EWSR1: variants seen among roughly 807,000 people sequenced by gnomAD.
EWSR1 encodes RNA-binding protein EWS.
Under a neutral mutation model 92.1 loss-of-function variants are expected in EWSR1, and 14 were observed. The observed-to-expected ratio is 0.15, with a 90% CI of 0.10 to 0.24. EWSR1 has a LOEUF of 0.24. EWSR1 is among the 10% of genes least tolerant of loss of function. The probability of loss-of-function intolerance (pLI) is 1.00; values close to 1 mark genes in which losing one functional copy is unlikely to be tolerated. For synonymous variants in EWSR1, 303 were observed against 292.9 expected (o/e 1.03, Z -0.35); for missense variants, 637 against 870.9 (o/e 0.73, Z 3.38).
chr22:29,283,194 T>G (rs1310987329), intron 6 of EWSR1, among the ~76,000 whole-genome samples: 3 of 152,230 alleles, frequency 2.0e-5, no homozygotes, highest in Admixed American at 6.5e-5. Flanking sequence ...TAAATAGATG[T>G]AAGAGCCATC....
chr22:29,273,249 T>C (rs1056943488), intron 3 of EWSR1, among the ~76,000 whole-genome samples: 1 of 152,234 alleles, frequency 6.6e-6, no homozygotes, highest in Admixed American at 6.5e-5. Flanking sequence ...TTAAAGTCTT[T>C]TTGTCAGGCT....
Position 29,297,953 on chromosome 22 carries a change from C to T in EWSR1, c.1417+4C>T. On this transcript the variant is annotated splice_donor_region_variant and intron_variant, in intron 13 of 16. Coordinates refer to ENST00000397938, the MANE Select transcript of EWSR1 (RefSeq NM_005243.4). ...ATGCCACCACCACTCCGTGGAGGTA[C>T]TTTTTCTGAGCTCCTATGTTGCATT... 1 of 1,610,872 alleles carries T rather than the reference C, an allele frequency of 6.2e-7. No homozygotes were observed. Among genetic ancestry groups the T allele is most frequent in the Non-Finnish European group, 8.5e-7 (1 of 1,178,712 alleles).
In EWSR1 at chr22:29,300,234, A is replaced by C. The variant is rs939012433; in HGVS notation, c.*73A>C. 2.1e-6 allele frequency: 3 copies of C among 1,397,082 alleles called. No individual in the cohort carries two copies. The highest frequency in any genetic ancestry group is 3.0e-6 in the Non-Finnish European group (3 of 991,802). The allele number at this position is 1,397,082 out of a possible 1,614,324, so 86.5% of individuals were successfully genotyped here. A position where few individuals can be genotyped will look rare whatever the true frequency, so the allele number is the denominator to read the frequency against. ...AACCAGAAAATGTTTTAAATTTATA[A>C]TTCCATATTTATAATGTTGGCCACA... On this transcript the variant is annotated 3_prime_UTR_variant, in exon 17 of 17. Transcript: ENST00000397938.
intron 3 of EWSR1, 93 bp from the exon 4 acceptor site, chr22:29,273,647 GT>G: frequency 1.4e-6 from 2 of 1,399,230 alleles, no homozygotes; most frequent in Non-Finnish European, 2.0e-6. Context: ...AGAAAGGAAT[GT>G]TTTTGATTTT....
Position 29,300,161 on chromosome 22 carries a change from GA to G in EWSR1, c.*1del, listed in dbSNP as rs1569129656. Reference sequence around the variant, plus strand: ...AGGAGCGCAGAGATCGGCCCTACTAGATGCAGAGACCCCGCAGAGCTGCATT... The same window carrying G: ...AGGAGCGCAGAGATCGGCCCTACTAGTGCAGAGACCCCGCAGAGCTGCATT... On this transcript the variant is annotated 3_prime_UTR_variant, in exon 17 of 17. Transcript: ENST00000397938. 6.2e-7 allele frequency: 1 copy of G among 1,606,980 alleles called. No homozygotes were observed. The highest frequency in any genetic ancestry group is 8.5e-7 in the Non-Finnish European group (1 of 1,178,766).
At chr22:29,282,998 G>C (rs542814370) in intron 6 of EWSR1, among the ~76,000 whole-genome samples, 1 of 152,076 alleles carries the variant, frequency 6.6e-6, no homozygotes, top group Non-Finnish European at 1.5e-5. Flanking sequence ...TCCTGACCTC[G>C]TGATCCACCC....
In EWSR1 at chr22:29,287,029, A is replaced by G. The variant is rs373486719; in HGVS notation, c.688A>G (p.Ser230Gly). The change falls in exon 7 of 17, where the codon AGC becomes GGC. Residue 230 changes from serine (S) to glycine (G), a missense_variant. Physicochemically the swap from Ser to Gly is moderately conservative, Grantham distance 56 (BLOSUM62 0). This residue lies in a region of EWSR1 where 116 missense variants were observed against 167.8 expected (regional missense o/e 0.69). Transcript: ENST00000397938. The part of the protein sequence containing the change: ...YGQQSSYGQQ[S>G]SYGQQPPTSY... ...ACAGCAGAGTAGCTATGGTCAACAA[A>G]GCAGCTATGGGCAGCAGCCTCCCAC... is the stretch of plus-strand genomic sequence containing the variant. 252 of 1,613,856 alleles carry G rather than the reference A, an allele frequency of 1.6e-4. No individual in the cohort carries two copies. The highest frequency in any genetic ancestry group is 2.1e-4 in the Non-Finnish European group (247 of 1,179,890).
intron 6 of EWSR1, among the ~76,000 whole-genome samples, chr22:29,285,661 C>T (rs1002687038): frequency 6.6e-6 from 1 of 151,172 alleles, no homozygotes; most frequent in Admixed American, 6.6e-5. Flanking sequence ...TTCAGAAAAT[C>T]GTTAACTCGA....
chr22:29,291,702 A>AGTT, intron 9 of EWSR1, 103 bp downstream of exon 9: 1 of 1,156,334 alleles, frequency 8.6e-7, no homozygotes, highest in Non-Finnish European at 1.2e-6. Context: ...TTTAAAAATG[A>AGTT]TCTATACAAA....
At position 29,269,824 on chromosome 22, in the gene EWSR1, G is replaced by T. The variant is rs538253974; in HGVS notation, c.13+1475G>T. Among the ~76,000 whole-genome samples, 3 of 152,346 alleles carry T rather than the reference G, an allele frequency of 2.0e-5. No individual in the cohort carries two copies. The East Asian group carries it at 5.8e-4, about 29-fold the overall frequency. ...CTGCAAAAGCCTGAAAAGGCAAAAC[G>T]TGTGCGTTGACATTTTTGCGTGGCT... On this transcript the variant is annotated intron_variant, in intron 1 of 16. Coordinates refer to ENST00000397938, the MANE Select transcript of EWSR1 (RefSeq NM_005243.4).
intron 5 of EWSR1, among the ~76,000 whole-genome samples, chr22:29,278,461 C>T (rs376690184): frequency 4.0e-5 from 6 of 151,180 alleles, no homozygotes; most frequent in East Asian, 1.9e-4. Context: ...CCGAGGCGGG[C>T]GGATCATATA....
At chr22:29,268,489 C>G in intron 1 of EWSR1, 140 bp downstream of exon 1, 3 of 1,489,978 alleles carry the variant, frequency 2.0e-6, no homozygotes, top group Non-Finnish European at 1.9e-6. Context: ...CCGACGAGCT[C>G]GGGGATCCGC....
chr22:29,299,905 C>T (rs927622464), intron 16 of EWSR1, 54 bp downstream of exon 16: 2 of 1,531,668 alleles, frequency 1.3e-6, no homozygotes, highest in Admixed American at 2.1e-5. Flanking sequence ...AGAGGACAGC[C>T]CTTCCCAGCT....
At chr22:29,281,691 C>A (rs1214492731) in intron 5 of EWSR1, among the ~76,000 whole-genome samples, 2 of 152,188 alleles carry the variant, frequency 1.3e-5, no homozygotes, top group African/African-American at 4.8e-5. Flanking sequence ...CGCCATTCTC[C>A]TGCCTCAGCT....
chr22:29,277,952 A>G lies in EWSR1; in HGVS notation c.227-78A>G, dbSNP rs544020274. 8 of 1,319,634 alleles carry G rather than the reference A, an allele frequency of 6.1e-6. No individual in the cohort carries two copies. The African/African-American group carries it at 1.0e-4, about 17-fold the overall frequency. The allele number at this position is 1,319,634 out of a possible 1,614,324, so 81.7% of individuals were successfully genotyped here. ...CCTGATGGTTTAAAGTAAGTGGTTT[A>G]CAAATTGTTCTGATAATGAGTGTCT... On this transcript the variant is annotated intron_variant, in intron 4 of 16. Transcript: ENST00000397938.
At chr22:29,273,251 T>C (rs2058826939) in intron 3 of EWSR1, among the ~76,000 whole-genome samples, 1 of 152,232 alleles carries the variant, frequency 6.6e-6, no homozygotes, top group South Asian at 2.1e-4. Flanking sequence ...AAAGTCTTTT[T>C]GTCAGGCTGA....
chr22:29,269,477 T>C (rs930526013), intron 1 of EWSR1: 1 of 152,064 alleles, frequency 6.6e-6, no homozygotes, highest in African/African-American at 2.4e-5. Flanking sequence ...CCCGCGAAAA[T>C]TGGCAGGGTG....
At chr22:29,271,500 G>T (rs1443177568) in intron 1 of EWSR1, among the ~76,000 whole-genome samples, 1 of 152,144 alleles carries the variant, frequency 6.6e-6, no homozygotes, top group African/African-American at 2.4e-5. Context: ...TTGTATGAAA[G>T]ACAATGGTGT....
chr22:29,268,777 C>G (rs1454883107), intron 1 of EWSR1, among the ~76,000 whole-genome samples: 1 of 152,252 alleles, frequency 6.6e-6, no homozygotes, highest in Non-Finnish European at 1.5e-5. Context: ...CCTCCCTCCC[C>G]GTTTTCAGGG....
Sources: allele counts gnomAD v4.1 joint callset (sites outside exome capture counted in the v4.1 genomes callset), GRCh38; gene constraint gnomAD v4.1.1; regional missense constraint gnomAD v4.1.1; transcripts MANE v1.5; gene names NCBI Gene and HGNC (gene_info 2026-07-23, HGNC 2026-07-21).